Variants in UBOX5 observed in about 807,000 individuals in gnomAD.
UBOX5 encodes RING finger protein 37.
A neutral mutation model predicts 39.0 loss-of-function variants in UBOX5; 28 were observed. That is an observed-to-expected ratio of 0.72 (90% CI 0.53 to 0.98). UBOX5 has a LOEUF of 0.98. Among genes scored for constraint, UBOX5 ranks in the 50% least tolerant of loss-of-function variants. UBOX5 has a pLI of 0.00. For missense variants in UBOX5, 585 were observed against 674.4 expected, an observed-to-expected ratio of 0.87 and a Z score of 1.47; for synonymous variants, 283 against 275.5, an observed-to-expected ratio of 1.03 and a Z score of -0.27.
chr20:3,148,246 ATCCT>A, intron 1 of UBOX5: 1 of 1,613,512 alleles, frequency 6.2e-7, no homozygotes, highest in South Asian at 1.1e-5. Context: ...ACAAGGATAG[ATCCT>A]TCCAGTGCAA....
chr20:3,127,334 T>G (rs2066398825), intron 1 of UBOX5, among the ~76,000 whole-genome samples: 1 of 152,242 alleles, frequency 6.6e-6, no homozygotes, highest in African/African-American at 2.4e-5. Flanking sequence ...CCAGGCATAC[T>G]AAGCGTCCTG....
chr20:3,110,345 G>A (rs1465175197), intron 4 of UBOX5, 31 bp from the exon 5 acceptor site: 1 of 1,612,450 alleles, frequency 6.2e-7, no homozygotes, highest in Admixed American at 1.7e-5. Context: ...ACAGGCCAGG[G>A]TTAGGAAAGC....
intron 1 of UBOX5, chr20:3,147,281 T>G (rs1193296040): frequency 6.2e-7 from 1 of 1,614,208 alleles, no homozygotes. Flanking sequence ...TGGCTTCAGG[T>G]TAACATCAAG....
At chr20:3,142,789 A>AAAAAAAGAAGG (rs1568479250) in intron 1 of UBOX5, among the ~76,000 whole-genome samples, 1 of 150,642 alleles carries the variant, frequency 6.6e-6, no homozygotes, top group African/African-American at 2.4e-5. Context: ...AAAAAAAAAA[A>AAAAAAAGAAGG]AAAGAAAAGT....
rs757808959 is a variant in UBOX5 at position 3,121,620 on chromosome 20, C to A, written c.1019G>T (p.Cys340Phe). 3 of 1,609,108 alleles carry A rather than the reference C, an allele frequency of 1.9e-6. No individual in the cohort carries two copies. Among genetic ancestry groups the A allele is most frequent in the South Asian group, 2.2e-5 (2 of 90,404 alleles). The change falls in exon 3 of 5, where the codon TGC (cysteine) becomes TTC (phenylalanine). Residue 340 changes from cysteine (C) to phenylalanine (F), a missense_variant. Transcript: ENST00000217173. The part of the protein sequence containing the change: ...HFLLQHSIPG[C>F]HLLGRAQTAL... ...CGTCTGTGCTCTCCCAAGCAGGTGG[C>A]AGCCAGGGATGGAGTGCTGGAGCAG...
rs2066242300 is a variant in UBOX5 at position 3,110,187 on chromosome 20, C to T, written c.1545G>A (p.Glu515=). ...ACGTCATGGGCAGGGAGCGTTGCTT[C>T]TCACCCAGGCAGGGTCGGCACAGGA... ...GHLLCRPCLG[E]KQRSLPMTCT... Residue 515 remains glutamate, a synonymous_variant, in exon 5 of 5, where the codon GAG becomes GAA. Transcript: ENST00000217173. The T allele has an allele frequency of 6.2e-7, 1 of 1,613,910 alleles. No homozygotes were observed. Among genetic ancestry groups the T allele is most frequent in the Middle Eastern group, 1.7e-4 (1 of 5,816 alleles).
chr20:3,131,280 G>A (rs1190661851), intron 1 of UBOX5, among the ~76,000 whole-genome samples: 4 of 150,898 alleles, frequency 2.7e-5, no homozygotes, highest in South Asian at 2.1e-4. Flanking sequence ...TTGTTAGATT[G>A]AAATATCATC....
At chr20:3,148,886 G>A in intron 1 of UBOX5, 3 of 1,614,190 alleles carry the variant, frequency 1.9e-6, no homozygotes, top group Non-Finnish European at 2.5e-6. Context: ...AGAAGAGAAG[G>A]TGCTACATAT....
intron 1 of UBOX5, among the ~76,000 whole-genome samples, chr20:3,137,458 G>A (rs190074167): frequency 2.0e-5 from 3 of 151,462 alleles, no homozygotes; most frequent in African/African-American, 7.3e-5. Context: ...TAGTAGAGAC[G>A]GGGTTTCAAC....
intron 1 of UBOX5, among the ~76,000 whole-genome samples, chr20:3,159,035 C>A (rs190331176): frequency 5.5e-4 from 84 of 152,272 alleles, no homozygotes; most frequent in South Asian, 8.3e-4. Context: ...AAGCATCACC[C>A]AAGACTGATG....
intron 1 of UBOX5, chr20:3,156,935 A>C (rs968031569): frequency 2.0e-5 from 3 of 152,222 alleles, no homozygotes; most frequent in Non-Finnish European, 4.4e-5. Context: ...TTGTCTCAGC[A>C]AATAATTTGT....
chr20:3,112,871 C>T (rs2066264061), intron 4 of UBOX5, among the ~76,000 whole-genome samples: 1 of 152,044 alleles, frequency 6.6e-6, no homozygotes, highest in African/African-American at 2.4e-5. Context: ...AAGGCTGAGA[C>T]AGGAGGATTG....
intron 4 of UBOX5, among the ~76,000 whole-genome samples, chr20:3,114,780 C>G (rs2066280596): frequency 6.6e-6 from 1 of 152,002 alleles, no homozygotes; most frequent in Admixed American, 6.6e-5. Context: ...AACCCCGTCT[C>G]TACTAAAAAT....
intron 1 of UBOX5, among the ~76,000 whole-genome samples, chr20:3,154,256 G>A (rs564287220): frequency 6.6e-6 from 1 of 152,318 alleles, no homozygotes; most frequent in Admixed American, 6.5e-5. Flanking sequence ...CAGTACCCAG[G>A]AGAGGAGAAT....
At chr20:3,147,207 C>T in intron 1 of UBOX5, 1 of 1,614,160 alleles carries the variant, frequency 6.2e-7, no homozygotes, top group Non-Finnish European at 8.5e-7. Context: ...AGGCTGACTC[C>T]CACATGCTCA....
At chr20:3,142,630 G>A (rs1223449436) in intron 1 of UBOX5, among the ~76,000 whole-genome samples, 20 of 148,410 alleles carry the variant, frequency 1.3e-4, no homozygotes, top group Admixed American at 2.7e-4. Flanking sequence ...AAAAGGTGCC[G>A]GGCTTGGTGG....
At chr20:3,116,206 C>T (rs1190160114) in intron 3 of UBOX5, among the ~76,000 whole-genome samples, 1 of 152,224 alleles carries the variant, frequency 6.6e-6, no homozygotes, top group Non-Finnish European at 1.5e-5. Context: ...CACCACCCCC[C>T]AGAGGGGTTC....
intron 1 of UBOX5, among the ~76,000 whole-genome samples, chr20:3,158,686 A>G (rs536827308): frequency 0.013 from 1,995 of 151,962 alleles, 47 homozygotes; most frequent in African/African-American, 0.046. Context: ...ATATTAGCCA[A>G]GATGGTCTCG....
At chr20:3,148,302 T>C in intron 1 of UBOX5, 1 of 1,613,188 alleles carries the variant, frequency 6.2e-7, no homozygotes, top group Non-Finnish European at 8.5e-7. Context: ...CTAGGTACTT[T>C]GCGGCCTAAG....
Sources: allele counts gnomAD v4.1 joint callset (sites outside exome capture counted in the v4.1 genomes callset), GRCh38; gene constraint gnomAD v4.1.1; transcripts MANE v1.5; gene names NCBI Gene and HGNC (gene_info 2026-07-23, HGNC 2026-07-21).